FBXL17: variants seen among roughly 807,000 people sequenced by gnomAD.
FBXL17 encodes F-box and leucine rich repeat protein 17.
In FBXL17, 22 loss-of-function variants were observed where a neutral mutation model predicts 66.2. That is an observed-to-expected ratio of 0.33 (90% CI 0.24 to 0.47). The LOEUF is 0.47. Among genes scored for constraint, FBXL17 ranks in the 20% least tolerant of loss-of-function variants. The pLI, the probability that FBXL17 is intolerant of heterozygous loss-of-function variation, is 1.00. For missense variants in FBXL17, 878 were observed against 948.2 expected, an observed-to-expected ratio of 0.93 and a Z score of 0.97; for synonymous variants, 474 against 400.5, an observed-to-expected ratio of 1.18 and a Z score of -2.19.
In FBXL17 at chr5:108,382,072, G is replaced by C. The variant is rs113940029; in HGVS notation, c.-381C>G. On this transcript the variant is annotated 5_prime_UTR_variant, in exon 1 of 9. Coordinates refer to ENST00000542267, the MANE Select transcript of FBXL17 (RefSeq NM_001163315.3). ...CTCGGACCATTTTAACTGCGGATCC[G>C]CCGCCGGCGCGCGCACCCGCGACTC... is the stretch of plus-strand genomic sequence containing the variant. 4 of 652,250 alleles carry C rather than the reference G, an allele frequency of 6.1e-6. No individual in the cohort carries two copies. Among genetic ancestry groups the C allele is most frequent in the African/African-American group, 5.8e-5 (3 of 51,502 alleles). The allele number at this position is 652,250 out of a possible 1,614,324, so 40.4% of individuals were successfully genotyped here. A position where few individuals can be genotyped will look rare whatever the true frequency, so the allele number is the denominator to read the frequency against.
At chr5:107,863,267 TG>T (rs1474262508) in intron 8 of FBXL17, among the ~76,000 whole-genome samples, 1 of 151,422 alleles carries the variant, frequency 6.6e-6, no homozygotes, top group Non-Finnish European at 1.5e-5. Context: ...TTAGGAGTCA[TG>T]TATCATCTGG....
At chr5:108,236,824 C>T (rs917470913) in intron 4 of FBXL17, among the ~76,000 whole-genome samples, 6 of 152,192 alleles carry the variant, frequency 3.9e-5, no homozygotes, top group African/African-American at 1.4e-4. Flanking sequence ...CCCTCATCTT[C>T]TGAATGCAAA....
At chr5:107,910,965 T>C (rs936569614) in intron 7 of FBXL17, among the ~76,000 whole-genome samples, 13 of 152,160 alleles carry the variant, frequency 8.5e-5, no homozygotes, top group Admixed American at 3.9e-4. Context: ...ACGTCCTTTG[T>C]CTTCAGAAAA....
intron 4 of FBXL17, among the ~76,000 whole-genome samples, chr5:108,262,295 T>G (rs992335940): frequency 2.0e-5 from 3 of 151,724 alleles, no homozygotes; most frequent in African/African-American, 7.3e-5. Context: ...GCCAGGATGG[T>G]CTCGATCTCC....
chr5:108,199,299 G>A (rs1184289105), intron 5 of FBXL17, among the ~76,000 whole-genome samples: 1 of 152,080 alleles, frequency 6.6e-6, no homozygotes, highest in East Asian at 1.9e-4. Flanking sequence ...CCAAGATACA[G>A]CTTCAAATAA....
chr5:107,915,728 G>C (rs1365239343), intron 7 of FBXL17, among the ~76,000 whole-genome samples: 2 of 152,198 alleles, frequency 1.3e-5, no homozygotes, highest in African/African-American at 4.8e-5. Flanking sequence ...GATTGGGTTT[G>C]CTCTAGCCTC....
At chr5:108,186,562 G>GT (rs1487887811) in intron 5 of FBXL17, among the ~76,000 whole-genome samples, 1 of 152,010 alleles carries the variant, frequency 6.6e-6, no homozygotes, top group Non-Finnish European at 1.5e-5. Context: ...ACGAGGTAAG[G>GT]AGATCAAGAC....
intron 4 of FBXL17, among the ~76,000 whole-genome samples, chr5:108,237,482 C>T (rs564069336): frequency 7.9e-5 from 12 of 151,954 alleles, no homozygotes; most frequent in Admixed American, 3.3e-4. Context: ...TATGGGAGAC[C>T]GAAAGCCAGC....
At chr5:108,006,794 T>C (rs959653151) in intron 7 of FBXL17, among the ~76,000 whole-genome samples, 7 of 152,244 alleles carry the variant, frequency 4.6e-5, no homozygotes, top group Non-Finnish European at 7.3e-5. Flanking sequence ...CTTTCTTCAC[T>C]GTTCAAGGAG....
chr5:108,186,565 A>T (rs1054841712), intron 5 of FBXL17, among the ~76,000 whole-genome samples: 15 of 151,892 alleles, frequency 9.9e-5, no homozygotes, highest in Non-Finnish European at 2.2e-4. Flanking sequence ...AGGTAAGGAG[A>T]TCAAGACCAT....
intron 4 of FBXL17, among the ~76,000 whole-genome samples, chr5:108,332,411 C>A (rs1383164006): frequency 6.6e-6 from 1 of 152,016 alleles, no homozygotes; most frequent in African/African-American, 2.4e-5. Context: ...ATAAATGCTT[C>A]CTCCTAACAT....
intron 8 of FBXL17, chr5:107,879,502 C>T: frequency 1.0e-6 from 1 of 985,380 alleles, no homozygotes; most frequent in Non-Finnish European, 1.2e-6. Flanking sequence ...CGCTTCTGGG[C>T]TGGGCTGAGA....
intron 4 of FBXL17, among the ~76,000 whole-genome samples, chr5:108,269,910 T>C (rs1437557496): frequency 1.3e-5 from 2 of 152,124 alleles, no homozygotes; most frequent in Non-Finnish European, 2.9e-5. Context: ...TAAAATACAT[T>C]TCCCTCTACT....
intron 6 of FBXL17, among the ~76,000 whole-genome samples, chr5:108,031,341 A>C (rs990789682): frequency 7.2e-5 from 11 of 152,128 alleles, no homozygotes; most frequent in Non-Finnish European, 1.5e-4. Context: ...TGAGGGTAAA[A>C]AATAGGTAGA....
intron 6 of FBXL17, among the ~76,000 whole-genome samples, chr5:108,025,787 C>T (rs77138904): frequency 0.011 from 1,677 of 151,136 alleles, 14 homozygotes; most frequent in Non-Finnish European, 0.016. Flanking sequence ...AAATTGTTTA[C>T]GAGATCTAAA....
At chr5:108,062,902 A>T (rs1747979410) in intron 6 of FBXL17, among the ~76,000 whole-genome samples, 1 of 152,146 alleles carries the variant, frequency 6.6e-6, no homozygotes, top group Non-Finnish European at 1.5e-5. Flanking sequence ...TGGGTTCATA[A>T]AAGAAAATTT....
chr5:108,336,970 A>G (rs538161501), intron 4 of FBXL17, among the ~76,000 whole-genome samples: 8 of 152,236 alleles, frequency 5.3e-5, no homozygotes, highest in African/African-American at 1.7e-4. Context: ...CTTATCTCAA[A>G]GAGAATTTTT....
At chr5:108,189,814 A>G (rs1244007770) in intron 5 of FBXL17, among the ~76,000 whole-genome samples, 2 of 152,172 alleles carry the variant, frequency 1.3e-5, no homozygotes, top group Non-Finnish European at 1.5e-5. Context: ...GCTGTGAAAA[A>G]GACTATGAGA....
intron 8 of FBXL17, among the ~76,000 whole-genome samples, chr5:107,864,575 G>A (rs999732611): frequency 4.6e-5 from 7 of 152,142 alleles, no homozygotes; most frequent in Admixed American, 4.6e-4. Context: ...TTTGGTTCAT[G>A]GGGGTCTGCC....
Sources: allele counts gnomAD v4.1 joint callset (sites outside exome capture counted in the v4.1 genomes callset), GRCh38; gene constraint gnomAD v4.1.1; transcripts MANE v1.5; gene names NCBI Gene and HGNC (gene_info 2026-07-23, HGNC 2026-07-21).